Variants in GRK4 observed in about 807,000 individuals in gnomAD.
The protein encoded by GRK4 is G protein-coupled receptor kinase 4.
Under a neutral mutation model 77.9 loss-of-function variants are expected in GRK4, and 73 were observed. The observed-to-expected ratio is 0.94, with a 90% CI of 0.78 to 1.14. GRK4 has a LOEUF of 1.14. Ranked by LOEUF, GRK4 falls within the 50% of genes most tolerant of loss-of-function variation. The pLI is 0.00. For missense variants in GRK4, 729 were observed against 700.2 expected, an observed-to-expected ratio of 1.04 and a Z score of -0.46; for synonymous variants, 257 against 254.4, an observed-to-expected ratio of 1.01 and a Z score of -0.10.
intron 13 of GRK4, 98 bp downstream of exon 13, chr4:3,035,621 A>C: frequency 2.2e-5 from 30 of 1,365,922 alleles, no homozygotes; most frequent in Non-Finnish European, 2.6e-5. Flanking sequence ...GGGGGGTCTC[A>C]CTGTGTTGCC....
chr4:2,975,756 C>T (rs746524621), intron 1 of GRK4, among the ~76,000 whole-genome samples: 4 of 152,200 alleles, frequency 2.6e-5, no homozygotes, highest in Non-Finnish European at 4.4e-5. Context: ...AGGCTGTCTT[C>T]ATCCTGGATC....
intron 15 of GRK4, 192 bp downstream of exon 15, chr4:3,038,705 G>T: frequency 5.2e-6 from 3 of 575,890 alleles, no homozygotes; most frequent in Non-Finnish European, 9.1e-6. Context: ...AGTGAGGTTT[G>T]TTGCTGGGAT....
chr4:3,029,483 C>A, intron 12 of GRK4, 74 bp downstream of exon 12: 2 of 1,337,936 alleles, frequency 1.5e-6, no homozygotes, highest in Admixed American at 3.8e-5. Flanking sequence ...GCAGCTATAA[C>A]AAAAAAAATT....
intron 2 of GRK4, among the ~76,000 whole-genome samples, chr4:2,986,354 CTTTTTTTTTTT>C (rs36001597): frequency 1.4e-5 from 1 of 73,282 alleles, no homozygotes; most frequent in African/African-American, 5.6e-5. Context: ...AAGGTGTTAT[CTTTTTTTTTTT>C]TTTTTTTTTT....
At chr4:3,022,559 CAAT>C in intron 10 of GRK4, 108 bp downstream of exon 10, 1 of 972,780 alleles carries the variant, frequency 1.0e-6, no homozygotes, top group South Asian at 1.6e-5. Context: ...AGAATGGAAA[CAAT>C]AACAAAAAGA....
chr4:2,972,776 C>A (rs1346590188), intron 1 of GRK4, among the ~76,000 whole-genome samples: 1 of 152,000 alleles, frequency 6.6e-6, no homozygotes, highest in African/African-American at 2.4e-5. Flanking sequence ...ACTCTGTCAC[C>A]CAGGCTGGAG....
chr4:3,015,898 AC>A (rs1437997466), intron 8 of GRK4, among the ~76,000 whole-genome samples: 1 of 131,550 alleles, frequency 7.6e-6, no homozygotes, highest in East Asian at 2.1e-4. Context: ...ACATAGGGAG[AC>A]CCCCATCACC....
chr4:3,006,380 C>CAA (rs796221342), intron 5 of GRK4, among the ~76,000 whole-genome samples: 1,692 of 100,344 alleles, frequency 0.017, 23 homozygotes, highest in African/African-American at 0.048. Flanking sequence ...AACTCCGCCT[C>CAA]AAAAAAAAAA....
At chr4:3,032,401 C>T (rs531917979) in intron 12 of GRK4, among the ~76,000 whole-genome samples, 2 of 151,846 alleles carry the variant, frequency 1.3e-5, no homozygotes, top group African/African-American at 2.4e-5. Flanking sequence ...TCCAGCCTGG[C>T]GACAGAGCAT....
chr4:2,970,731 G>A (rs992605345), intron 1 of GRK4, among the ~76,000 whole-genome samples: 10 of 151,244 alleles, frequency 6.6e-5, no homozygotes, highest in East Asian at 3.9e-4. Flanking sequence ...GTGCAGTGGC[G>A]TGATCTCAGC....
At chr4:2,996,928 G>A (rs1728118747) in intron 4 of GRK4, among the ~76,000 whole-genome samples, 1 of 151,964 alleles carries the variant, frequency 6.6e-6, no homozygotes, top group East Asian at 1.9e-4. Context: ...TGCTAAAAAG[G>A]GAACCCCTAG....
At chr4:2,968,272 G>A (rs1003335839) in intron 1 of GRK4, among the ~76,000 whole-genome samples, 1 of 152,100 alleles carries the variant, frequency 6.6e-6, no homozygotes, top group Non-Finnish European at 1.5e-5. Context: ...TACGTAATAC[G>A]TGCATTTAAT....
chr4:2,970,388 G>A (rs757716769), intron 1 of GRK4, among the ~76,000 whole-genome samples: 57 of 152,082 alleles, frequency 3.7e-4, no homozygotes, highest in Admixed American at 1.5e-3. Flanking sequence ...GGCCAGGCAC[G>A]GTGGCTCATG....
chr4:3,028,041 G>A (rs528829693), intron 11 of GRK4, 40 bp downstream of exon 11: 101 of 1,575,348 alleles, frequency 6.4e-5, no homozygotes, highest in African/African-American at 1.1e-4. Flanking sequence ...CTTTCTATCC[G>A]GGTGCCTGAG....
chr4:3,035,740 T>G (rs1316480019), intron 13 of GRK4, among the ~76,000 whole-genome samples: 5 of 149,164 alleles, frequency 3.4e-5, no homozygotes, highest in Non-Finnish European at 5.9e-5. Flanking sequence ...AGTTTTTTGT[T>G]TTTTTTTGTT....
intron 4 of GRK4, 98 bp downstream of exon 4, chr4:2,992,390 T>C: frequency 1.3e-6 from 1 of 778,448 alleles, no homozygotes; most frequent in Non-Finnish European, 2.1e-6. Context: ...TGTTAAAAGC[T>C]TTAATTTGGC....
intron 11 of GRK4, among the ~76,000 whole-genome samples, chr4:3,028,240 A>C (rs558762708): frequency 6.6e-6 from 1 of 152,170 alleles, no homozygotes; most frequent in East Asian, 1.9e-4. Flanking sequence ...TCCTGAGGTC[A>C]CTCAGCGAAG....
chr4:3,037,164 G>T (rs147026500), intron 13 of GRK4, among the ~76,000 whole-genome samples: 48 of 152,034 alleles, frequency 3.2e-4, no homozygotes, highest in African/African-American at 1.1e-3. Flanking sequence ...CACAAAATTG[G>T]TGACACTAAA....
chr4:2,993,330 T>C (rs1050777718), intron 4 of GRK4, among the ~76,000 whole-genome samples: 2 of 152,180 alleles, frequency 1.3e-5, no homozygotes, highest in African/African-American at 4.8e-5. Flanking sequence ...GGCCCTATAT[T>C]GTAAGGATGG....
Sources: allele counts gnomAD v4.1 joint callset (sites outside exome capture counted in the v4.1 genomes callset), GRCh38; gene constraint gnomAD v4.1.1; transcripts MANE v1.5; gene names NCBI Gene and HGNC (gene_info 2026-07-23, HGNC 2026-07-21).